The following SLIT2 variants were observed in gnomAD, a reference collection of about 807,000 sequenced individuals.
SLIT2 encodes the protein slit homolog 2 protein.
Under a neutral mutation model 185.7 loss-of-function variants are expected in SLIT2, and 41 were observed. The observed-to-expected ratio is 0.22, with a 90% CI of 0.17 to 0.29. The LOEUF (loss-of-function observed/expected upper bound fraction) is 0.29, where lower values mean the gene tolerates loss of function less well. Among genes scored for constraint, SLIT2 ranks in the 10% least tolerant of loss-of-function variants. SLIT2 has a pLI of 1.00. For synonymous variants in SLIT2, 693 were observed against 680.2 expected, an observed-to-expected ratio of 1.02 and a Z score of -0.29; for missense variants, 1,571 against 1,909.0, an observed-to-expected ratio of 0.82 and a Z score of 3.30.
At position 20,313,798 on chromosome 4, in the gene SLIT2, C is replaced by T. The variant is rs1030385870; in HGVS notation, c.395+44917C>T. Among the ~76,000 whole-genome samples the T allele has an allele frequency of 2.6e-5, 4 of 152,070 alleles. No homozygotes were observed. The South Asian group carries it at 6.2e-4, about 24-fold the overall frequency. Reference sequence around the variant, plus strand: ...GGTTTGTCCTCCTATGACGATCTTACGCGGCTGCTGATCTGAACACGAGGT... The same window carrying T: ...GGTTTGTCCTCCTATGACGATCTTATGCGGCTGCTGATCTGAACACGAGGT... On this transcript the variant is annotated intron_variant, in intron 4 of 36. Transcript: ENST00000504154.
chr4:20,299,861 A>G (rs1716880727), intron 4 of SLIT2, among the ~76,000 whole-genome samples: 1 of 152,076 alleles, frequency 6.6e-6, no homozygotes, highest in Non-Finnish European at 1.5e-5. Context: ...AAAATAATAC[A>G]GTATTTTATA....
At chr4:20,375,462 C>G (rs960933632) in intron 4 of SLIT2, among the ~76,000 whole-genome samples, 2 of 151,842 alleles carry the variant, frequency 1.3e-5, no homozygotes, top group Non-Finnish European at 2.9e-5. Flanking sequence ...TTAAAAATAT[C>G]CTAATATGAT....
intron 4 of SLIT2, among the ~76,000 whole-genome samples, chr4:20,306,853 T>C (rs58086451): frequency 0.24 from 36,297 of 152,042 alleles, 5,258 homozygotes; most frequent in East Asian, 0.6. Flanking sequence ...GCTGAATCCT[T>C]GCTTGCATTC....
intron 4 of SLIT2, among the ~76,000 whole-genome samples, chr4:20,342,718 T>TA (rs1159765458): frequency 2.1e-4 from 3 of 14,176 alleles, no homozygotes; most frequent in African/African-American, 1.0e-3. Context: ...ACTATCGCAC[T>TA]TTTTTTTTTT....
intron 4 of SLIT2, among the ~76,000 whole-genome samples, chr4:20,364,591 T>TC (rs1722971004): frequency 6.6e-6 from 1 of 152,136 alleles, no homozygotes; most frequent in Admixed American, 6.6e-5. Flanking sequence ...TAATTTTTTT[T>TC]CATGTAAGTC....
chr4:20,601,608 AT>A (rs1255679897), intron 33 of SLIT2, among the ~76,000 whole-genome samples: 1 of 152,084 alleles, frequency 6.6e-6, no homozygotes, highest in Admixed American at 6.5e-5. Context: ...GATACGGCTA[AT>A]TTTTTGGCCT....
chr4:20,393,220 A>G (rs1725581946), intron 4 of SLIT2: 2 of 152,106 alleles, frequency 1.3e-5, no homozygotes, highest in Admixed American at 1.3e-4. Flanking sequence ...CTGTATGATA[A>G]TTAAAGATAC....
chr4:20,357,583 G>A (rs1484973062), intron 4 of SLIT2, among the ~76,000 whole-genome samples: 1 of 152,020 alleles, frequency 6.6e-6, no homozygotes, highest in East Asian at 1.9e-4. Flanking sequence ...GAAAGATTAT[G>A]TAAAAAGTGG....
chr4:20,511,627 A>T (rs1200147331), intron 11 of SLIT2, among the ~76,000 whole-genome samples: 1 of 120,304 alleles, frequency 8.3e-6, no homozygotes, highest in Non-Finnish European at 1.7e-5. Context: ...ATGGAATTTC[A>T]CAATGTTAGC....
At chr4:20,544,926 AGGGGTC>A (rs1723118702) in intron 21 of SLIT2, among the ~76,000 whole-genome samples, 1 of 152,084 alleles carries the variant, frequency 6.6e-6, no homozygotes, top group South Asian at 2.1e-4. Flanking sequence ...AAAAATGGAG[AGGGGTC>A]GAAGAAGAAA....
intron 26 of SLIT2, among the ~76,000 whole-genome samples, chr4:20,561,281 T>C (rs1724666657): frequency 6.6e-6 from 1 of 151,822 alleles, no homozygotes; most frequent in African/African-American, 2.4e-5. Flanking sequence ...ACATTTAGCA[T>C]GCTGTGGTTG....
chr4:20,351,004 C>T lies in SLIT2; in HGVS notation c.395+82123C>T, dbSNP rs113560083. ...TTCACAGTAGATCTGGAACACACAACTTCATTATACATGTTTTTGAGGTTT... is the reference window on the plus strand; with the variant it reads ...TTCACAGTAGATCTGGAACACACAATTTCATTATACATGTTTTTGAGGTTT... On this transcript the variant is annotated intron_variant, in intron 4 of 36. Coordinates refer to ENST00000504154, the MANE Select transcript of SLIT2 (RefSeq NM_004787.4). 2.4e-3 allele frequency among the ~76,000 whole-genome samples: 371 copies of T among 151,776 alleles called. 3 individuals carry two copies. The highest frequency in any genetic ancestry group is 7.9e-3 in the African/African-American group (327 of 41,408).
At chr4:20,422,127 A>G (rs1477525586) in intron 4 of SLIT2, among the ~76,000 whole-genome samples, 1 of 152,002 alleles carries the variant, frequency 6.6e-6, no homozygotes, top group Non-Finnish European at 1.5e-5. Context: ...CAATGAGATG[A>G]CTCAAATTTA....
At chr4:20,590,061 A>G (rs1450482234) in intron 30 of SLIT2, among the ~76,000 whole-genome samples, 1 of 151,610 alleles carries the variant, frequency 6.6e-6, no homozygotes, top group Non-Finnish European at 1.5e-5. Flanking sequence ...GCCCGCCACC[A>G]CGCCTGGCTA....
chr4:20,342,365 G>T (rs765241008), intron 4 of SLIT2, among the ~76,000 whole-genome samples: 52 of 151,984 alleles, frequency 3.4e-4, no homozygotes, highest in Non-Finnish European at 6.9e-4. Context: ...ATGGAAAAAT[G>T]AATTATAGTG....
rs923223631 is a variant in SLIT2, at chr4:20,528,159, C to T, written c.1463-790C>T. The T allele has an allele frequency of 2.1e-6, 1 of 473,550 alleles. No individual in the cohort carries two copies. Among genetic ancestry groups the T allele is most frequent in the Admixed American group, 2.5e-5 (1 of 40,426 alleles). 29.3% of individuals were successfully genotyped at this position (473,550 alleles called of 1,614,324 possible). On this transcript the variant is annotated intron_variant, in intron 15 of 36. Transcript: ENST00000504154. This position sits in a 1 kb window ranked among gnomAD's most constrained non-coding sequence, Gnocchi z 4.2. ...TACTCTTACTGTGGTCATAAACATT[C>T]TGCGGGAAGAATGCATGTCATGTAA...
chr4:20,305,700 C>T (rs1467816699), intron 4 of SLIT2, among the ~76,000 whole-genome samples: 1 of 151,240 alleles, frequency 6.6e-6, no homozygotes, highest in Non-Finnish European at 1.5e-5. Context: ...TGGTGAAACC[C>T]CATCTCCACT....
rs532738067 is a variant in SLIT2, at chr4:20,562,923, C to T, written c.2726-4339C>T. Among the ~76,000 whole-genome samples the T allele has an allele frequency of 6.4e-4, 97 of 151,684 alleles. 1 individual carries two copies. The highest frequency in any genetic ancestry group is 2.2e-3 in the African/African-American group (89 of 41,346). On this transcript the variant is annotated intron_variant, in intron 26 of 36. Coordinates refer to ENST00000504154, the MANE Select transcript of SLIT2 (RefSeq NM_004787.4). ...AGGGATGCCAGAATGAAGGCAGATTCTAGAATATAGCTAGAAGTTTTTGTC... is the reference window on the plus strand; with the variant it reads ...AGGGATGCCAGAATGAAGGCAGATTTTAGAATATAGCTAGAAGTTTTTGTC...
At chr4:20,361,954 A>G (rs1459817157) in intron 4 of SLIT2, among the ~76,000 whole-genome samples, 23 of 152,110 alleles carry the variant, frequency 1.5e-4, no homozygotes, top group Non-Finnish European at 1.2e-4. Flanking sequence ...AAAAAGTTTA[A>G]AATTATTTTC....
Sources: allele counts gnomAD v4.1 joint callset (sites outside exome capture counted in the v4.1 genomes callset), GRCh38; gene constraint gnomAD v4.1.1; non-coding constraint Gnocchi (gnomAD v3.1); transcripts MANE v1.5; gene names NCBI Gene and HGNC (gene_info 2026-07-23, HGNC 2026-07-21).